Variants in LRP6 observed in about 807,000 individuals in gnomAD.
The protein encoded by LRP6 is LDL receptor related protein 6.
Under a neutral mutation model 184.1 loss-of-function variants are expected in LRP6, and 43 were observed. The observed-to-expected ratio is 0.23, with a 90% CI of 0.18 to 0.30. The LOEUF (loss-of-function observed/expected upper bound fraction) is 0.30, where lower values mean the gene tolerates loss of function less well. Among genes scored for constraint, LRP6 ranks in the 10% least tolerant of loss-of-function variants. The pLI is 1.00. For missense variants in LRP6, 1,571 were observed against 2,005.3 expected (o/e 0.78, Z 4.14); for synonymous variants, 719 against 684.9 (o/e 1.05, Z -0.78).
intron 4 of LRP6, 118 bp from the exon 5 acceptor site, chr12:12,184,229 T>A: frequency 3.7e-6 from 3 of 812,392 alleles, no homozygotes; most frequent in Non-Finnish European, 6.4e-6. Context: ...ATGCAGGTGC[T>A]TGACTATCAA....
At chr12:12,165,393 G>A (rs974347188) in intron 7 of LRP6, 98 bp from the exon 8 acceptor site, 2 of 839,126 alleles carry the variant, frequency 2.4e-6, no homozygotes, top group Non-Finnish European at 4.1e-6. Context: ...AAATCCAAGA[G>A]TCATCTTGGT....
intron 1 of LRP6, among the ~76,000 whole-genome samples, chr12:12,263,345 G>A (rs546349385): frequency 6.6e-6 from 1 of 151,834 alleles, no homozygotes; most frequent in Admixed American, 6.6e-5. Context: ...GGAGGCCGAG[G>A]TGGGCGGATC....
At chr12:12,122,666 C>A (rs1285635652) in intron 22 of LRP6, among the ~76,000 whole-genome samples, 2 of 151,660 alleles carry the variant, frequency 1.3e-5, no homozygotes, top group Non-Finnish European at 2.9e-5. Context: ...CCCGTCTCTA[C>A]AAAAAATAAA....
At chr12:12,197,512 T>C (rs1863795053) in intron 3 of LRP6, among the ~76,000 whole-genome samples, 1 of 152,208 alleles carries the variant, frequency 6.6e-6, no homozygotes, top group Non-Finnish European at 1.5e-5. Flanking sequence ...GGTACATATA[T>C]TTTTGAAAGA....
chr12:12,235,531 G>C (rs1244247439), intron 2 of LRP6, among the ~76,000 whole-genome samples: 1 of 151,966 alleles, frequency 6.6e-6, no homozygotes, highest in Non-Finnish European at 1.5e-5. Context: ...GGGAGTTCGA[G>C]ACCAGCCTGA....
chr12:12,181,353 G>A lies in LRP6; in HGVS notation c.1063C>T (p.Gln355Ter). ...DTPDFTDIVLQLEDIRHAIAI... is the reference protein window; with the variant it reads ...DTPDFTDIVL ...ATGGCATGACGGATGTCTTCTAACT[G>A]CAGAACAATGTCTGTAAAATCTGGT... Residue 355 changes from glutamine to a stop codon, truncating the protein, a stop_gained, in exon 6 of 23, where the codon CAG (glutamine) becomes TAG (stop). Coordinates refer to ENST00000261349, the MANE Select transcript of LRP6 (RefSeq NM_002336.3). LOFTEE classifies it high-confidence loss of function. The A allele has an allele frequency of 6.2e-7, 1 of 1,611,540 alleles. No homozygotes were observed. The highest frequency in any genetic ancestry group is 8.5e-7 in the Non-Finnish European group (1 of 1,177,710).
At chr12:12,123,263 G>A (rs1313022834) in intron 22 of LRP6, among the ~76,000 whole-genome samples, 1 of 152,134 alleles carries the variant, frequency 6.6e-6, no homozygotes, top group East Asian at 1.9e-4. Context: ...ATAAAATTTT[G>A]TATCTTTCTC....
At position 12,231,180 on chromosome 12, in the gene LRP6, C is replaced by CAAAAAAAAAAAAA. The variant is rs10661340; in HGVS notation, c.449+13069_449+13081dup. Among the ~76,000 whole-genome samples the CAAAAAAAAAAAAA allele has an allele frequency of 3.8e-4, 9 of 23,568 alleles. 3 individuals are homozygous for CAAAAAAAAAAAAA. The highest frequency in any genetic ancestry group is 5.3e-4 in the Non-Finnish European group (8 of 15,094). 15.5% of individuals were successfully genotyped at this position (23,568 alleles called of 152,430 possible). A position where few individuals can be genotyped will look rare whatever the true frequency, so the allele number is the denominator to read the frequency against. On this transcript the variant is annotated intron_variant, in intron 2 of 22. Transcript: ENST00000261349. ...TGGATGACAGAGCAAGACTCCATCT[C>CAAAAAAAAAAAAA]AAAAAAAAAAAAAAAAAAAAAAAAA...
chr12:12,132,253 A>G (rs1328160601), intron 17 of LRP6, among the ~76,000 whole-genome samples, 196 bp from the exon 18 acceptor site: 2 of 152,222 alleles, frequency 1.3e-5, no homozygotes, highest in African/African-American at 4.8e-5. Context: ...ATTCACTATA[A>G]ACTTTTGCCC....
intron 1 of LRP6, among the ~76,000 whole-genome samples, chr12:12,266,152 G>A (rs376786757): frequency 2.6e-5 from 4 of 152,206 alleles, no homozygotes; most frequent in East Asian, 3.9e-4. Flanking sequence ...CTCACCCAGG[G>A]TCATTATATC....
At chr12:12,210,802 T>A (rs532873178) in intron 2 of LRP6, 2 of 152,326 alleles carry the variant, frequency 1.3e-5, no homozygotes, top group Admixed American at 1.3e-4. Flanking sequence ...CTGATTTTAA[T>A]GTGAAAAAGA....
At chr12:12,131,331 A>G (rs1179290982) in intron 18 of LRP6, among the ~76,000 whole-genome samples, 1 of 151,458 alleles carries the variant, frequency 6.6e-6, no homozygotes, top group Non-Finnish European at 1.5e-5. Context: ...GATGGTCTCT[A>G]TCTCCTGACC....
intron 2 of LRP6, among the ~76,000 whole-genome samples, chr12:12,232,586 C>CAAAAAAA (rs34155963): frequency 8.6e-6 from 1 of 115,724 alleles, no homozygotes. Context: ...CCAGCAGGTG[C>CAAAAAAA]AAAAAAAAAA....
At chr12:12,130,687 TAGAA>T (rs1348131120) in intron 19 of LRP6, 92 bp downstream of exon 19, 21 of 755,810 alleles carry the variant, frequency 2.8e-5, no homozygotes, top group African/African-American at 5.2e-5. Context: ...ACTTATTACT[TAGAA>T]AGGAAATCTC....
chr12:12,240,533 C>T (rs1317091593), intron 2 of LRP6, among the ~76,000 whole-genome samples: 1 of 152,040 alleles, frequency 6.6e-6, no homozygotes, highest in Non-Finnish European at 1.5e-5. Flanking sequence ...GATCGCGCCA[C>T]TGCACTCCAG....
At chr12:12,258,844 T>A (rs1005928176) in intron 1 of LRP6, among the ~76,000 whole-genome samples, 9 of 152,174 alleles carry the variant, frequency 5.9e-5, no homozygotes, top group African/African-American at 1.9e-4. Flanking sequence ...CCTTTACTTG[T>A]AGTTTGGGTC....
At chr12:12,235,996 C>T (rs1248352748) in intron 2 of LRP6, among the ~76,000 whole-genome samples, 4 of 152,182 alleles carry the variant, frequency 2.6e-5, no homozygotes, top group South Asian at 4.1e-4. Context: ...GAGGCCGAGG[C>T]GGGCGGATCA....
intron 1 of LRP6, chr12:12,249,433 G>A (rs1865268053): frequency 2.6e-6 from 2 of 760,654 alleles, no homozygotes; most frequent in South Asian, 1.4e-5. Context: ...GCAACTAATC[G>A]AAAAGAAAAA....
intron 5 of LRP6, among the ~76,000 whole-genome samples, chr12:12,182,086 A>G (rs79355095): frequency 2.2e-3 from 340 of 152,342 alleles, no homozygotes; most frequent in Middle Eastern, 6.8e-3. Flanking sequence ...CCAGATAAAC[A>G]TAACACAGTG....
Sources: allele counts gnomAD v4.1 joint callset (sites outside exome capture counted in the v4.1 genomes callset), GRCh38; gene constraint gnomAD v4.1.1; transcripts MANE v1.5; gene names NCBI Gene and HGNC (gene_info 2026-07-23, HGNC 2026-07-21).